SPPL3: variants seen among roughly 807,000 people sequenced by gnomAD.
The protein encoded by SPPL3 is signal peptide peptidase like 3.
A neutral mutation model predicts 42.4 loss-of-function variants in SPPL3; 5 were observed. The observed-to-expected ratio is 0.12, with a 90% CI of 0.06 to 0.25. The LOEUF (loss-of-function observed/expected upper bound fraction) is 0.25, where lower values mean the gene tolerates loss of function less well. SPPL3 is among the 10% of genes least tolerant of loss of function. SPPL3 has a pLI of 1.00. For synonymous variants in SPPL3, 195 were observed against 181.8 expected, an observed-to-expected ratio of 1.07 and a Z score of -0.58; for missense variants, 235 against 489.0, an observed-to-expected ratio of 0.48 and a Z score of 4.90.
chr12:120,887,120 T>C (rs1284272578), intron 1 of SPPL3, among the ~76,000 whole-genome samples: 2 of 152,098 alleles, frequency 1.3e-5, no homozygotes, highest in African/African-American at 4.8e-5. Context: ...CGGCTAATTT[T>C]TGTATTTTTA....
intron 2 of SPPL3, among the ~76,000 whole-genome samples, chr12:120,802,114 T>C (rs1566045889): frequency 6.6e-6 from 1 of 152,074 alleles, no homozygotes; most frequent in Non-Finnish European, 1.5e-5. Flanking sequence ...CTCATTTCTT[T>C]ATGTCCTAGA....
chr12:120,871,863 G>A (rs1156379951), intron 1 of SPPL3, among the ~76,000 whole-genome samples: 3 of 152,282 alleles, frequency 2.0e-5, no homozygotes, highest in Middle Eastern at 3.4e-3. Context: ...CAATGTAAAT[G>A]CTATATAAAT....
At chr12:120,812,493 G>A (rs1051911516) in intron 1 of SPPL3, among the ~76,000 whole-genome samples, 6 of 152,292 alleles carry the variant, frequency 3.9e-5, no homozygotes, top group Non-Finnish European at 7.4e-5. Context: ...TATTGAAACC[G>A]TTCTGAGCTG....
rs1365308467 is a variant in SPPL3, at chr12:120,767,551, G to A, written c.816C>T (p.Ile272=). 2 of 1,614,078 alleles carry A rather than the reference G, an allele frequency of 1.2e-6. No homozygotes were observed. Among genetic ancestry groups the A allele is most frequent in the African/African-American group, 1.3e-5 (1 of 74,928 alleles). ...SHFSMLGIGD[I]VMPGLLLCFV... ...AGCATAGTAGGAGACCAGGCATAAC[G>A]ATGTCTCCGATGCCCAACATGGAGA... Residue 272 remains isoleucine (I), a synonymous_variant, in exon 9 of 11, where the codon ATC becomes ATT. Transcript: ENST00000353487.
intron 3 of SPPL3, among the ~76,000 whole-genome samples, chr12:120,787,291 CAAAT>C (rs1455338623): frequency 6.6e-6 from 1 of 152,136 alleles, no homozygotes; most frequent in East Asian, 1.9e-4. Context: ...CTTTATAACT[CAAAT>C]AAATTATAAC....
intron 2 of SPPL3, among the ~76,000 whole-genome samples, chr12:120,806,239 C>G (rs1397917065): frequency 6.6e-6 from 1 of 150,852 alleles, no homozygotes; most frequent in African/African-American, 2.4e-5. Flanking sequence ...GCTATGTCAC[C>G]CTGGCTTGAG....
At chr12:120,815,769 C>T (rs565518843) in intron 1 of SPPL3, among the ~76,000 whole-genome samples, 19 of 152,044 alleles carry the variant, frequency 1.2e-4, no homozygotes, top group Non-Finnish European at 2.1e-4. Context: ...CTCTGTCGCC[C>T]AGTCTGGAGT....
At chr12:120,842,606 G>T (rs1212787118) in intron 1 of SPPL3, among the ~76,000 whole-genome samples, 4 of 151,902 alleles carry the variant, frequency 2.6e-5, no homozygotes, top group African/African-American at 9.7e-5. Flanking sequence ...ATTCTGTCTG[G>T]TGAGGACTCA....
intron 2 of SPPL3, among the ~76,000 whole-genome samples, chr12:120,797,917 G>A (rs950974781): frequency 3.3e-5 from 5 of 152,130 alleles, no homozygotes; most frequent in African/African-American, 1.2e-4. Flanking sequence ...CTTGTTTCCT[G>A]TACTTTCATT....
chr12:120,818,947 T>A (rs1870966989), intron 1 of SPPL3, among the ~76,000 whole-genome samples: 1 of 152,246 alleles, frequency 6.6e-6, no homozygotes. Context: ...ATTCTTCACA[T>A]GTTTGCAAAC....
intron 1 of SPPL3, among the ~76,000 whole-genome samples, chr12:120,857,107 C>A (rs115739317): frequency 6.6e-6 from 1 of 152,158 alleles, no homozygotes; most frequent in Non-Finnish European, 1.5e-5. Flanking sequence ...AAATAAAGAA[C>A]CAGGAAGAGT....
intron 1 of SPPL3, 171 bp from the exon 2 acceptor site, chr12:120,811,057 T>G (rs1309471231): frequency 1.8e-5 from 9 of 493,498 alleles, no homozygotes; most frequent in Non-Finnish European, 3.2e-5. Context: ...ATTTGCTAGT[T>G]TAACATGAAG....
At chr12:120,795,855 T>A (rs939338485) in intron 2 of SPPL3, among the ~76,000 whole-genome samples, 1 of 152,220 alleles carries the variant, frequency 6.6e-6, no homozygotes, top group African/African-American at 2.4e-5. Context: ...AGTAGGCCAC[T>A]GGAGGTTTCT....
At chr12:120,874,452 C>CAAAAAAAAAAAAAAAAAAA in intron 1 of SPPL3, among the ~76,000 whole-genome samples, 1 of 97,436 alleles carries the variant, frequency 1.0e-5, no homozygotes, top group Non-Finnish European at 1.9e-5. Context: ...GACCCTGTCG[C>CAAAAAAAAAAAAAAAAAAA]AAAAAAAAAA....
intron 2 of SPPL3, among the ~76,000 whole-genome samples, chr12:120,801,617 T>G (rs1870300610): frequency 6.6e-6 from 1 of 152,224 alleles, no homozygotes; most frequent in Non-Finnish European, 1.5e-5. Flanking sequence ...CTTTCCACAT[T>G]AGTATATACT....
At chr12:120,852,703 C>CATATATTATATATT (rs1416258689) in intron 1 of SPPL3, among the ~76,000 whole-genome samples, 1 of 15,322 alleles carries the variant, frequency 6.5e-5, no homozygotes. Context: ...ACATATTTTA[C>CATATATTATATATT]ATATATGAAA....
chr12:120,887,255 G>C (rs555079847), intron 1 of SPPL3, among the ~76,000 whole-genome samples: 2 of 152,142 alleles, frequency 1.3e-5, no homozygotes, highest in East Asian at 3.9e-4. Context: ...ATGTAAATTA[G>C]TATCACCTTT....
chr12:120,894,753 C>A (rs1873748309), intron 1 of SPPL3, among the ~76,000 whole-genome samples: 1 of 151,980 alleles, frequency 6.6e-6, no homozygotes, highest in Admixed American at 6.6e-5. Flanking sequence ...CAAGACCAGC[C>A]TGAGCAATAT....
At chr12:120,851,990 A>G (rs943893093) in intron 1 of SPPL3, among the ~76,000 whole-genome samples, 2 of 152,192 alleles carry the variant, frequency 1.3e-5, no homozygotes, top group African/African-American at 4.8e-5. Context: ...GCATCATCAA[A>G]AGGAATTTAG....
Sources: allele counts gnomAD v4.1 joint callset (sites outside exome capture counted in the v4.1 genomes callset), GRCh38; gene constraint gnomAD v4.1.1; transcripts MANE v1.5; gene names NCBI Gene and HGNC (gene_info 2026-07-23, HGNC 2026-07-21).